ANO3: variants seen among roughly 807,000 people sequenced by gnomAD.
The protein encoded by ANO3 is anoctamin 3.
ANO3 carries 99 observed loss-of-function variants against 144.8 expected under a neutral mutation model. The observed-to-expected ratio is 0.68, with a 90% CI of 0.58 to 0.81. The LOEUF is 0.81. Among genes scored for constraint, ANO3 ranks in the 30% least tolerant of loss-of-function variants. ANO3 has a pLI of 0.00. For missense variants in ANO3, 905 were observed against 1,202.2 expected (o/e 0.75, Z 3.66); for synonymous variants, 414 against 392.6 (o/e 1.05, Z -0.64).
intron 1 of ANO3, among the ~76,000 whole-genome samples, chr11:26,395,023 C>A (rs956419025): frequency 1.3e-5 from 2 of 152,092 alleles, no homozygotes; most frequent in Non-Finnish European, 2.9e-5. Flanking sequence ...TATTATGGGA[C>A]CTGACCCCTG....
intron 1 of ANO3, among the ~76,000 whole-genome samples, chr11:26,411,476 A>C (rs979493769): frequency 6.6e-6 from 1 of 151,980 alleles, no homozygotes; most frequent in African/African-American, 2.4e-5. Flanking sequence ...ATAGAAGTAA[A>C]CCATATAGAA....
intron 15 of ANO3, 52 bp from the exon 16 acceptor site, chr11:26,598,805 TG>T (rs763064195): frequency 8.1e-5 from 127 of 1,569,732 alleles, no homozygotes; most frequent in African/African-American, 2.2e-4. Context: ...CTTGGGGGTA[TG>T]TTTTTTTAGT....
intron 4 of ANO3, among the ~76,000 whole-genome samples, chr11:26,470,428 G>GA (rs556291072): frequency 0.013 from 1,744 of 132,144 alleles, 16 homozygotes; most frequent in Non-Finnish European, 0.021. Context: ...AAAAAAAACA[G>GA]AAAAAAAAAA....
intron 1 of ANO3, among the ~76,000 whole-genome samples, chr11:26,231,397 AT>A (rs5790565): frequency 0.018 from 2,784 of 152,100 alleles, 29 homozygotes; most frequent in African/African-American, 0.029. Flanking sequence ...ACAGCCACGC[AT>A]TTTTTTTGTT....
chr11:26,561,469 A>G (rs1047617803), intron 14 of ANO3, among the ~76,000 whole-genome samples: 30 of 152,040 alleles, frequency 2.0e-4, no homozygotes, highest in Non-Finnish European at 5.9e-5. Flanking sequence ...TAAAGGAACT[A>G]AAGAAGAGAC....
At chr11:26,426,840 G>A (rs1052834299) in intron 1 of ANO3, among the ~76,000 whole-genome samples, 4 of 152,186 alleles carry the variant, frequency 2.6e-5, no homozygotes, top group East Asian at 1.9e-4. Flanking sequence ...ACTGTTAGAC[G>A]TAGAAACATC....
At chr11:26,305,653 A>G (rs149319879), upstream of ANO3, among the ~76,000 whole-genome samples, 948 of 152,348 alleles carry the variant, frequency 6.2e-3, 9 homozygotes, top group African/African-American at 0.021. Context: ...AACTAATCTT[A>G]CATAACTACT....
chr11:26,523,200 C>G (rs1862155695), intron 6 of ANO3, among the ~76,000 whole-genome samples: 2 of 152,100 alleles, frequency 1.3e-5, no homozygotes, highest in African/African-American at 4.8e-5. Context: ...TTGGGGGAAA[C>G]CGCTCCCATG....
chr11:26,373,126 A>G (rs565527732), intron 1 of ANO3, among the ~76,000 whole-genome samples: 3 of 152,318 alleles, frequency 2.0e-5, no homozygotes, highest in African/African-American at 7.2e-5. Context: ...ATATAAATGT[A>G]AATGATGCTT....
intron 1 of ANO3, among the ~76,000 whole-genome samples, chr11:26,396,090 T>A (rs956584100): frequency 6.6e-6 from 1 of 151,762 alleles, no homozygotes; most frequent in Admixed American, 6.6e-5. Flanking sequence ...TTAAACAAAT[T>A]TACAAGAAAA....
intron 14 of ANO3, chr11:26,565,157 A>ATATT (rs757085708): frequency 6.7e-7 from 1 of 1,498,148 alleles, no homozygotes. Flanking sequence ...AAAATCATTT[A>ATATT]TATTTACCTT....
At chr11:26,377,397 A>T (rs892837532) in intron 1 of ANO3, among the ~76,000 whole-genome samples, 3 of 152,168 alleles carry the variant, frequency 2.0e-5, no homozygotes, top group African/African-American at 7.2e-5. Flanking sequence ...ACATGAGCAT[A>T]TTCATATATA....
intron 14 of ANO3, among the ~76,000 whole-genome samples, chr11:26,575,272 T>C (rs372070121): frequency 6.6e-6 from 1 of 151,962 alleles, no homozygotes. Context: ...ATTGTTTTAT[T>C]ACTTCTGATG....
At chr11:26,454,768 A>C (rs946593410) in intron 3 of ANO3, among the ~76,000 whole-genome samples, 3 of 107,020 alleles carry the variant, frequency 2.8e-5, no homozygotes, top group Non-Finnish European at 4.2e-5. Context: ...GAGACACAAC[A>C]AAAAAAGAGA....
upstream of ANO3, among the ~76,000 whole-genome samples, chr11:26,304,608 A>C (rs983134469): frequency 2.6e-5 from 4 of 152,164 alleles, no homozygotes; most frequent in Non-Finnish European, 5.9e-5. Context: ...CCATTTGATA[A>C]CTTATTTTTT....
At chr11:26,236,796 C>T (rs3101361) in intron 1 of ANO3, among the ~76,000 whole-genome samples, 136,594 of 143,296 alleles carry the variant, frequency 0.95, 65,318 homozygotes, top group East Asian at 1. Context: ...CCAGCCTGGG[C>T]GACAGAGTGA....
At chr11:26,343,661 G>A (rs975307706) in intron 1 of ANO3, among the ~76,000 whole-genome samples, 4 of 152,172 alleles carry the variant, frequency 2.6e-5, no homozygotes, top group African/African-American at 9.7e-5. Context: ...ACTTATAATA[G>A]GAGATAGATT....
intron 17 of ANO3, among the ~76,000 whole-genome samples, chr11:26,610,390 C>T (rs2132963395): frequency 8.2e-6 from 1 of 122,462 alleles, no homozygotes; most frequent in Admixed American, 8.7e-5. Flanking sequence ...TTCCAATTTT[C>T]TAATCAGGTT....
intron 1 of ANO3, among the ~76,000 whole-genome samples, chr11:26,379,902 A>G (rs1856542384): frequency 6.6e-6 from 1 of 152,170 alleles, no homozygotes; most frequent in Admixed American, 6.5e-5. Context: ...GTCAAGCAAA[A>G]GTGGGAATAA....
Sources: gnomAD v4.1 joint callset for allele counts (sites outside exome capture counted in the v4.1 genomes callset) on GRCh38, gnomAD v4.1.1 for gene constraint, MANE v1.5 for transcripts, NCBI Gene and HGNC (gene_info 2026-07-23, HGNC 2026-07-21) for gene names.